The following FBN1 variants were observed in gnomAD, a reference collection of about 807,000 sequenced individuals.
The protein encoded by FBN1 is fibrillin 1, also known as fibrillin-1.
Under a neutral mutation model 365.1 loss-of-function variants are expected in FBN1, and 29 were observed. The ratio of observed to expected loss-of-function variants is 0.08; its 90% CI spans 0.06 to 0.11. The LOEUF is 0.11. FBN1 is among the 10% of genes least tolerant of loss of function. The pLI is 1.00. For missense variants in FBN1, 2,476 were observed against 3,703.2 expected, an observed-to-expected ratio of 0.67 and a Z score of 8.60; for synonymous variants, 1,210 against 1,270.5, an observed-to-expected ratio of 0.95 and a Z score of 1.01.
intron 2 of FBN1, among the ~76,000 whole-genome samples, chr15:48,633,805 G>A (rs2437946): frequency 0.39 from 59,240 of 151,994 alleles, 14,503 homozygotes; most frequent in African/African-American, 0.7. Context: ...TCTTGAGGGT[G>A]TGAACACAAA....
At chr15:48,560,626 C>T (rs565000811) in intron 6 of FBN1, among the ~76,000 whole-genome samples, 1 of 152,116 alleles carries the variant, frequency 6.6e-6, no homozygotes, top group Non-Finnish European at 1.5e-5. Flanking sequence ...AAGTATTCCT[C>T]GGTTGTCTTC....
intron 43 of FBN1, among the ~76,000 whole-genome samples, chr15:48,458,039 T>G (rs2043254012): frequency 6.6e-6 from 1 of 152,218 alleles, no homozygotes; most frequent in South Asian, 2.1e-4. Flanking sequence ...CATCAGCCCC[T>G]TGGCTGGGTT....
At chr15:48,630,851 G>T (rs1346122438) in intron 2 of FBN1, among the ~76,000 whole-genome samples, 2 of 152,096 alleles carry the variant, frequency 1.3e-5, no homozygotes, top group Non-Finnish European at 2.9e-5. Context: ...TTACCCCACG[G>T]GGATGAGAGA....
At chr15:48,576,392 C>T (rs988847469) in intron 6 of FBN1, among the ~76,000 whole-genome samples, 1 of 152,076 alleles carries the variant, frequency 6.6e-6, no homozygotes, top group Admixed American at 6.6e-5. Flanking sequence ...TTTTTTCCCC[C>T]TCTACTCTGA....
chr15:48,540,310 T>G, intron 6 of FBN1, among the ~76,000 whole-genome samples: 1 of 152,168 alleles, frequency 6.6e-6, no homozygotes, highest in East Asian at 1.9e-4. Context: ...AACGTATTGA[T>G]TATATTATCG....
chr15:48,622,049 C>T (rs201827518), intron 2 of FBN1, among the ~76,000 whole-genome samples: 75 of 151,846 alleles, frequency 4.9e-4, no homozygotes, highest in African/African-American at 1.5e-3. Context: ...AAATATACCA[C>T]GCTAGTATGA....
chr15:48,465,732 A>G (rs1566903977), intron 39 of FBN1, 39 bp from the exon 40 acceptor site: 6 of 1,613,596 alleles, frequency 3.7e-6, no homozygotes, highest in African/African-American at 1.3e-5. Context: ...TTAGCATTGT[A>G]AATAAACCCA....
intron 2 of FBN1, among the ~76,000 whole-genome samples, chr15:48,622,668 T>C (rs955937818): frequency 6.6e-6 from 1 of 152,188 alleles, no homozygotes; most frequent in African/African-American, 2.4e-5. Context: ...TCACTCTCTA[T>C]AATGTTAAAC....
intron 44 of FBN1, 122 bp from the exon 45 acceptor site, chr15:48,452,806 G>T: frequency 1.8e-6 from 2 of 1,104,242 alleles, no homozygotes; most frequent in Non-Finnish European, 2.7e-6. Context: ...AGACAACATA[G>T]ATGTGTACAG....
intron 37 of FBN1, 62 bp from the exon 38 acceptor site, chr15:48,468,164 C>T (rs2043338811): frequency 6.3e-7 from 1 of 1,592,938 alleles, no homozygotes; most frequent in Non-Finnish European, 8.6e-7. Context: ...GTTGAAAATT[C>T]AAACCCACTT....
In FBN1 at chr15:48,534,179, C is replaced by A. The variant is rs781113082; in HGVS notation, c.763G>T (p.Gly255Trp). The change falls in exon 8 of 66, where the codon GGG becomes TGG. Residue 255 changes from glycine to tryptophan, a missense_variant. Gly to Trp is a radical substitution (Grantham distance 184). Around this residue, in one of 5 missense-constraint regions of FBN1, gnomAD observed 421 missense variants for 520.1 expected, o/e 0.81. Coordinates refer to ENST00000316623, the MANE Select transcript of FBN1 (RefSeq NM_000138.5). ...QDVDECQAIP[G>W]LCQGGNCINT... The stretch of plus-strand genomic sequence containing the variant: ...ATGCAATTTCCTCCCTGACAGAGCC[C>A]GGGGATGGCCTGGCATTCATCCACA... 4 of 1,613,024 alleles carry A rather than the reference C, an allele frequency of 2.5e-6. No individual in the cohort carries two copies. The highest frequency in any genetic ancestry group is 3.4e-6 in the Non-Finnish European group (4 of 1,179,726).
At chr15:48,606,884 C>T (rs2044616329) in intron 4 of FBN1, among the ~76,000 whole-genome samples, 1 of 152,160 alleles carries the variant, frequency 6.6e-6, no homozygotes, top group South Asian at 2.1e-4. Context: ...GGGCTTTGCC[C>T]TCATAAATGG....
At chr15:48,569,711 A>C (rs1003148113) in intron 6 of FBN1, among the ~76,000 whole-genome samples, 2 of 152,184 alleles carry the variant, frequency 1.3e-5, no homozygotes, top group African/African-American at 4.8e-5. Flanking sequence ...TATGTGTTAT[A>C]AGATTCTATT....
intron 8 of FBN1, among the ~76,000 whole-genome samples, chr15:48,527,643 T>G (rs910121861): frequency 6.6e-6 from 1 of 152,258 alleles, no homozygotes; most frequent in Non-Finnish European, 1.5e-5. Context: ...TTCAAGTATC[T>G]TCTGACTCAA....
At chr15:48,498,575 T>G (rs1237332037) in intron 18 of FBN1, among the ~76,000 whole-genome samples, 4 of 152,204 alleles carry the variant, frequency 2.6e-5, no homozygotes, top group Non-Finnish European at 4.4e-5. Context: ...TACTGAGCAC[T>G]TAACAGTTCA....
At chr15:48,576,372 G>A (rs1264532075) in intron 6 of FBN1, among the ~76,000 whole-genome samples, 1 of 152,038 alleles carries the variant, frequency 6.6e-6, no homozygotes, top group African/African-American at 2.4e-5. Context: ...CTCTCAGCCT[G>A]ATTAAATGTT....
At chr15:48,582,708 C>G (rs2044404720) in intron 6 of FBN1, among the ~76,000 whole-genome samples, 1 of 152,164 alleles carries the variant, frequency 6.6e-6, no homozygotes. Flanking sequence ...ATGTTTGACG[C>G]CTAAACAAAC....
At chr15:48,483,368 G>A (rs866891982) in intron 31 of FBN1, among the ~76,000 whole-genome samples, 2 of 152,300 alleles carry the variant, frequency 1.3e-5, no homozygotes, top group African/African-American at 4.8e-5. Context: ...GTGAGGAAAG[G>A]CAGATTAGAG....
rs184284863 is a variant in FBN1, at chr15:48,638,767, G to A, written c.164+5839C>T. ...TTAAGACACATACCAATTTCCACTGGAAAGAGAAATACTTCTTGCAACCCT... is the reference window on the plus strand; with the variant it reads ...TTAAGACACATACCAATTTCCACTGAAAAGAGAAATACTTCTTGCAACCCT... On this transcript the variant is annotated intron_variant, in intron 2 of 65. Transcript: ENST00000316623. Among the ~76,000 whole-genome samples the A allele has an allele frequency of 6.4e-3, 968 of 152,210 alleles. 3 individuals carry two copies. The highest frequency in any genetic ancestry group is 0.01 in the Admixed American group (153 of 15,296).
Sources: gnomAD v4.1 joint callset for allele counts (sites outside exome capture counted in the v4.1 genomes callset) on GRCh38, gnomAD v4.1.1 for gene constraint, gnomAD v4.1.1 regional missense constraint, MANE v1.5 for transcripts, NCBI Gene and HGNC (gene_info 2026-07-23, HGNC 2026-07-21) for gene names.